CTNNA3: variants seen among roughly 807,000 people sequenced by gnomAD.
The protein encoded by CTNNA3 is catenin alpha-3.
CTNNA3 carries 76 observed loss-of-function variants against 95.7 expected under a neutral mutation model. The observed-to-expected ratio is 0.79, with a 90% CI of 0.66 to 0.96. The LOEUF is 0.96. Among genes scored for constraint, CTNNA3 ranks in the 40% least tolerant of loss-of-function variants. CTNNA3 has a pLI of 0.00. For synonymous variants in CTNNA3, 431 were observed against 374.4 expected (o/e 1.15, Z -1.74); for missense variants, 1,191 against 1,089.8 (o/e 1.09, Z -1.31).
At chr10:67,555,491 T>C (rs1471192317) in intron 3 of CTNNA3, among the ~76,000 whole-genome samples, 2 of 152,212 alleles carry the variant, frequency 1.3e-5, no homozygotes, top group Non-Finnish European at 2.9e-5. Context: ...GTTGGATTCC[T>C]AGGTATTTTA....
chr10:67,503,982 C>T (rs186724771), intron 5 of CTNNA3, among the ~76,000 whole-genome samples: 1,859 of 150,672 alleles, frequency 0.012, 20 homozygotes, highest in South Asian at 0.034. Flanking sequence ...ATGGTGAAAC[C>T]CCGTCTCTAC....
At chr10:67,360,000 C>A (rs147462375) in intron 5 of CTNNA3, among the ~76,000 whole-genome samples, 2 of 152,104 alleles carry the variant, frequency 1.3e-5, no homozygotes, top group Non-Finnish European at 2.9e-5. Context: ...TAACAGCAGA[C>A]TTCTCAGTAG....
At chr10:67,756,650 A>T (rs1317562160) in intron 1 of CTNNA3, among the ~76,000 whole-genome samples, 1 of 152,222 alleles carries the variant, frequency 6.6e-6, no homozygotes, top group Non-Finnish European at 1.5e-5. Context: ...ATATAGAGAC[A>T]GAAAGCAGAT....
chr10:67,663,161 A>T (rs1210619944), intron 1 of CTNNA3, among the ~76,000 whole-genome samples: 1 of 152,188 alleles, frequency 6.6e-6, no homozygotes, highest in East Asian at 1.9e-4. Context: ...TGTTCAGGTT[A>T]TTCTCAATAT....
Position 66,280,587 on chromosome 10 carries a change from G to A in CTNNA3, c.1767C>T (p.Ala589=), listed in dbSNP as rs1185037651. The A allele has an allele frequency of 1.2e-6, 2 of 1,607,268 alleles. No individual in the cohort carries two copies. Among genetic ancestry groups the A allele is most frequent in the African/African-American group, 1.3e-5 (1 of 74,346 alleles). Residue 589 remains alanine, a synonymous_variant, in exon 13 of 18, where the codon GCC becomes GCT. Transcript: ENST00000433211. ...IPEFVTQVNV[A]LEALSKSSLN... ...ATGAGCTTTTGCTTAAGGCTTCCAA[G>A]GCAACATTCACTTGTGTTACAAATT...
intron 7 of CTNNA3, among the ~76,000 whole-genome samples, chr10:67,012,634 C>A (rs2133043618): frequency 6.6e-6 from 1 of 152,048 alleles, no homozygotes; most frequent in East Asian, 1.9e-4. Context: ...CAATTTATAC[C>A]CAACATACCT....
At chr10:66,710,818 T>C (rs142265450) in intron 9 of CTNNA3, among the ~76,000 whole-genome samples, 8 of 151,390 alleles carry the variant, frequency 5.3e-5, no homozygotes, top group Non-Finnish European at 1.0e-4. Flanking sequence ...TAATTCAACA[T>C]TGAAACAAAT....
At chr10:67,013,867 G>A (rs939122327) in intron 7 of CTNNA3, among the ~76,000 whole-genome samples, 1 of 152,234 alleles carries the variant, frequency 6.6e-6, no homozygotes, top group African/African-American at 2.4e-5. Flanking sequence ...TCACAAGGAT[G>A]TAGATTGATC....
At chr10:67,043,797 A>C (rs1238849577) in intron 7 of CTNNA3, among the ~76,000 whole-genome samples, 1 of 152,138 alleles carries the variant, frequency 6.6e-6, no homozygotes, top group Non-Finnish European at 1.5e-5. Flanking sequence ...TATGCACAGC[A>C]ACTCAATAGC....
At position 67,117,824 on chromosome 10, in the gene CTNNA3, G is replaced by T. The variant is rs138717466; in HGVS notation, c.1047+62493C>A. 3.5e-3 allele frequency among the ~76,000 whole-genome samples: 527 copies of T among 152,074 alleles called. 1 individual carries two copies. The highest frequency in any genetic ancestry group is 5.9e-3 in the Non-Finnish European group (402 of 67,908). ...TAGGTTAATAATGAGGTGCCTCAGG[G>T]ATCAGTGCTAGCACAGGTGTTCAGT... On this transcript the variant is annotated intron_variant, in intron 7 of 17. Transcript: ENST00000433211.
chr10:66,868,326 T>C (rs1488711397), intron 7 of CTNNA3, among the ~76,000 whole-genome samples: 4 of 150,820 alleles, frequency 2.7e-5, no homozygotes, highest in East Asian at 2.0e-4. Flanking sequence ...GATCGCGCCA[T>C]TGCACTCCAG....
chr10:67,631,139 G>T (rs960877523), intron 2 of CTNNA3, among the ~76,000 whole-genome samples: 8 of 152,188 alleles, frequency 5.3e-5, no homozygotes, highest in African/African-American at 1.9e-4. Context: ...TCATAAAAAT[G>T]TAATTGCTGA....
At chr10:66,586,796 C>T (rs1212733410) in intron 10 of CTNNA3, among the ~76,000 whole-genome samples, 2 of 152,066 alleles carry the variant, frequency 1.3e-5, no homozygotes, top group Admixed American at 6.5e-5. Context: ...GTGTCTCTCC[C>T]GAAAGAAACT....
rs555820692 is a variant in CTNNA3 at position 66,715,885 on chromosome 10, T to C, written c.1281+50379A>G. Among the ~76,000 whole-genome samples the C allele has an allele frequency of 5.4e-4, 82 of 152,080 alleles. 1 individual carries two copies. The South Asian group carries it at 0.017, about 31-fold the overall frequency. On this transcript the variant is annotated intron_variant, in intron 9 of 17. Transcript: ENST00000433211. ...TTGAAGTTAGAAAATTCAAATATAT[T>C]TCATTAAAAATTAAATATAAAAACA...
At chr10:67,408,856 C>T (rs1845246048) in intron 5 of CTNNA3, among the ~76,000 whole-genome samples, 1 of 113,658 alleles carries the variant, frequency 8.8e-6, no homozygotes, top group African/African-American at 3.3e-5. Flanking sequence ...GTCTAATATC[C>T]AGCATTTAAA....
chr10:66,149,590 C>G (rs2084082332), intron 13 of CTNNA3, among the ~76,000 whole-genome samples: 1 of 147,276 alleles, frequency 6.8e-6, no homozygotes, highest in Non-Finnish European at 1.5e-5. Context: ...GTATGAACAC[C>G]CTTACACTTT....
At chr10:66,122,266 G>A (rs981397763) in intron 13 of CTNNA3, among the ~76,000 whole-genome samples, 5 of 152,064 alleles carry the variant, frequency 3.3e-5, no homozygotes, top group African/African-American at 4.8e-5. Context: ...GAATCAGTGA[G>A]CTTGAAATTT....
chr10:67,198,940 T>C (rs1225976778), intron 6 of CTNNA3, among the ~76,000 whole-genome samples: 2 of 152,070 alleles, frequency 1.3e-5, no homozygotes, highest in East Asian at 3.9e-4. Flanking sequence ...TTTACATTTT[T>C]CATCCTATTA....
At chr10:67,057,199 T>C (rs560333746) in intron 7 of CTNNA3, among the ~76,000 whole-genome samples, 19 of 152,326 alleles carry the variant, frequency 1.2e-4, no homozygotes, top group African/African-American at 4.3e-4. Context: ...TACAATGTGA[T>C]GTTTTGATAT....
Sources: allele counts gnomAD v4.1 joint callset (sites outside exome capture counted in the v4.1 genomes callset), GRCh38; gene constraint gnomAD v4.1.1; transcripts MANE v1.5; gene names NCBI Gene and HGNC (gene_info 2026-07-23, HGNC 2026-07-21).